The following ANO1 variants were observed in gnomAD, a reference collection of about 807,000 sequenced individuals.
ANO1 encodes anoctamin-1.
In ANO1, 59 loss-of-function variants were observed where a neutral mutation model predicts 124.0. The ratio of observed to expected loss-of-function variants is 0.48; its 90% CI spans 0.39 to 0.59. The LOEUF is 0.59. Ranked by LOEUF, ANO1 falls within the 20% of genes least tolerant of loss-of-function variation. ANO1 has a pLI of 0.00. For synonymous variants in ANO1, 529 were observed against 532.0 expected, an observed-to-expected ratio of 0.99 and a Z score of 0.08; for missense variants, 1,059 against 1,328.0, an observed-to-expected ratio of 0.80 and a Z score of 3.15.
chr11:70,124,338 C>T lies in ANO1; in HGVS notation c.898-12C>T, dbSNP rs1239806300. 2 of 1,613,690 alleles carry T rather than the reference C, an allele frequency of 1.2e-6. No homozygotes were observed. The highest frequency in any genetic ancestry group is 1.7e-5 in the Admixed American group (1 of 59,996). ...CACATTGTCACCAACCCCACTGCTT[C>T]CTCCCCCTCAGCTCCTGTACGAAGA... is the stretch of plus-strand genomic sequence containing the variant. On this transcript the variant is annotated splice_polypyrimidine_tract_variant and intron_variant, in intron 8 of 25. Transcript: ENST00000355303.
chr11:69,995,571 C>T (rs1565156381), intron 1 of ANO1, among the ~76,000 whole-genome samples: 1 of 152,192 alleles, frequency 6.6e-6, no homozygotes, highest in Non-Finnish European at 1.5e-5. Context: ...TTTCTGTTGA[C>T]TCTGATACTT....
chr11:69,990,261 T>G (rs950970529), intron 1 of ANO1, among the ~76,000 whole-genome samples: 3 of 152,228 alleles, frequency 2.0e-5, no homozygotes, highest in African/African-American at 4.8e-5. Flanking sequence ...ATATTTGTCC[T>G]TTTGTGTCTG....
At chr11:70,096,864 A>T (rs978709307) in intron 2 of ANO1, among the ~76,000 whole-genome samples, 8 of 151,360 alleles carry the variant, frequency 5.3e-5, no homozygotes, top group Admixed American at 1.3e-4. Flanking sequence ...CTGTCTCAAA[A>T]AATAATAATA....
Position 70,163,288 on chromosome 11 carries a change from T to C in ANO1, c.1898T>C (p.Val633Ala). Residue 633 changes from valine (V) to alanine (A), a missense_variant, in exon 19 of 26, where the codon GTT becomes GCT. By Grantham distance (64) the Val-to-Ala change is moderately conservative. Around this residue, in one of 2 missense-constraint regions of ANO1, gnomAD observed 809 missense variants for 1,094.9 expected, o/e 0.74. Transcript: ENST00000355303. ...FYVAFFKGRF[V>A]GRPGDYVYIF... ...GACCTCCCCCATCGTTTCAGGTTTG[T>C]TGGACGCCCGGGCGACTACGTGTAC... 1.2e-6 allele frequency: 2 copies of C among 1,613,556 alleles called. No homozygotes were observed. Among genetic ancestry groups the C allele is most frequent in the Non-Finnish European group, 8.5e-7 (1 of 1,179,850 alleles).
intron 1 of ANO1, among the ~76,000 whole-genome samples, chr11:70,026,327 G>A (rs200282711): frequency 0.094 from 13,588 of 144,226 alleles, 718 homozygotes; most frequent in Non-Finnish European, 0.12. Context: ...ATTGATGATG[G>A]TGGTGGTGGT....
At chr11:70,104,260 C>A in intron 4 of ANO1, 110 bp downstream of exon 4, 2 of 1,275,936 alleles carry the variant, frequency 1.6e-6, no homozygotes, top group South Asian at 1.6e-5. Flanking sequence ...AGAGCGTGTT[C>A]TTGTAAGAGC....
chr11:70,077,940 C>A (rs571058002), upstream of ANO1, among the ~76,000 whole-genome samples: 4 of 152,166 alleles, frequency 2.6e-5, no homozygotes, highest in South Asian at 8.3e-4. Context: ...GCAAGCTCCC[C>A]GGAGGAGGTG....
chr11:70,165,047 C>G lies in ANO1; in HGVS notation c.1951-423C>G, dbSNP rs1475557989. 2.0e-5 allele frequency among the ~76,000 whole-genome samples: 3 copies of G among 152,130 alleles called. No individual in the cohort carries two copies. In the East Asian group the frequency reaches 5.8e-4, roughly 29 times the overall value. On this transcript the variant is annotated intron_variant, in intron 19 of 25. Coordinates refer to ENST00000355303, the MANE Select transcript of ANO1 (RefSeq NM_018043.7). ...GTTCTGAAGGTCGGAAGTGCAACAT[C>G]CAGGTGTTAGCCGGGCTGTGTTCCC...
At chr11:70,081,771 G>C (rs1052179964) in intron 1 of ANO1, among the ~76,000 whole-genome samples, 9 of 152,186 alleles carry the variant, frequency 5.9e-5, no homozygotes, top group African/African-American at 2.2e-4. Context: ...TTGAGGAAGG[G>C]GTTCATAGAG....
chr11:69,968,443 G>A, the ANO1 span, among the ~76,000 whole-genome samples: 4 of 152,198 alleles, frequency 2.6e-5, no homozygotes, highest in South Asian at 2.1e-4. Context: ...GGAAAAGAAC[G>A]GATTTTTATT....
At chr11:70,012,697 A>G (rs1421099171) in intron 1 of ANO1, among the ~76,000 whole-genome samples, 1 of 151,220 alleles carries the variant, frequency 6.6e-6, no homozygotes, top group African/African-American at 2.4e-5. Flanking sequence ...TCCTTCATCC[A>G]TCCATCCATC....
At chr11:70,056,842 T>C (rs1223256402) in intron 1 of ANO1, among the ~76,000 whole-genome samples, 1 of 151,852 alleles carries the variant, frequency 6.6e-6, no homozygotes, top group African/African-American at 2.4e-5. Context: ...TTTTTTTTTT[T>C]TTTTTCCTGT....
the ANO1 span, among the ~76,000 whole-genome samples, chr11:69,980,011 TC>T: frequency 6.6e-6 from 1 of 152,126 alleles, no homozygotes; most frequent in South Asian, 2.1e-4. Flanking sequence ...TTATGAAACT[TC>T]CGTTCATGGC....
chr11:70,068,254 G>C (rs1857783651), intron 1 of ANO1, among the ~76,000 whole-genome samples: 2 of 152,334 alleles, frequency 1.3e-5, no homozygotes, highest in South Asian at 2.1e-4. Context: ...TAAGAGGCAA[G>C]TGTCCGTGCA....
At chr11:70,002,620 C>T (rs538575955) in intron 1 of ANO1, among the ~76,000 whole-genome samples, 8 of 152,298 alleles carry the variant, frequency 5.3e-5, no homozygotes, top group African/African-American at 1.9e-4. Flanking sequence ...TGTAAGAACA[C>T]TCTATGTTCA....
intron 24 of ANO1, among the ~76,000 whole-genome samples, chr11:70,183,535 G>A (rs2049005792): frequency 1.3e-5 from 2 of 152,204 alleles, no homozygotes; most frequent in Non-Finnish European, 2.9e-5. Flanking sequence ...AGGGAAAACT[G>A]GGGTGCTATG....
chr11:70,118,195 T>G (rs2046071033), intron 8 of ANO1, among the ~76,000 whole-genome samples: 1 of 147,470 alleles, frequency 6.8e-6, no homozygotes, highest in Admixed American at 6.7e-5. Flanking sequence ...CTACCCCCTC[T>G]TCCCCCTCCT....
intron 1 of ANO1, among the ~76,000 whole-genome samples, chr11:70,006,204 C>A (rs1416326312): frequency 3.3e-5 from 5 of 152,200 alleles, no homozygotes; most frequent in African/African-American, 1.2e-4. Context: ...GCATGTTGTC[C>A]AGTGAGCAGG....
intron 1 of ANO1, chr11:70,085,312 CACCCTT>C: frequency 7.3e-7 from 1 of 1,370,726 alleles, no homozygotes; most frequent in Non-Finnish European, 9.6e-7. Context: ...AGCCCTCCCC[CACCCTT>C]CCCCCTGAGC....
Sources: allele counts gnomAD v4.1 joint callset (sites outside exome capture counted in the v4.1 genomes callset), GRCh38; gene constraint gnomAD v4.1.1; regional missense constraint gnomAD v4.1.1; transcripts MANE v1.5; gene names NCBI Gene and HGNC (gene_info 2026-07-23, HGNC 2026-07-21).